AQP7B: variants seen among roughly 807,000 people sequenced by gnomAD.
The protein encoded by AQP7B is putative aquaporin-7B.
At chr2:94,593,873 C>T in the AQP7B span, among the ~76,000 whole-genome samples, 2 of 152,126 alleles carry the variant, frequency 1.3e-5, no homozygotes, top group Non-Finnish European at 2.9e-5. Flanking sequence ...AGATTTGGGC[C>T]CTGTTACTCA....
the AQP7B span, among the ~76,000 whole-genome samples, chr2:94,594,480 A>G: frequency 6.6e-6 from 1 of 152,204 alleles, no homozygotes; most frequent in Non-Finnish European, 1.5e-5. Flanking sequence ...CCCGTCTGCA[A>G]AGTGGCCTCA....
At chr2:94,600,175 T>G in the AQP7B span, among the ~76,000 whole-genome samples, 69 of 152,168 alleles carry the variant, frequency 4.5e-4, no homozygotes, top group South Asian at 2.1e-4. Context: ...CAGCCTGGTC[T>G]GCCTTCTTAC....
chr2:94,604,499 G>A, the AQP7B span: 280 of 1,610,700 alleles, frequency 1.7e-4, no homozygotes, highest in Non-Finnish European at 2.3e-4. Flanking sequence ...CCTCATCTCC[G>A]TGAGCCTTGC....
the AQP7B span, among the ~76,000 whole-genome samples, chr2:94,589,166 TG>T: frequency 4.0e-5 from 6 of 150,486 alleles, no homozygotes; most frequent in East Asian, 1.9e-4. Context: ...AATTAGTTGT[TG>T]TTTTTTTTTT....
At chr2:94,601,588 G>T in the AQP7B span, among the ~76,000 whole-genome samples, 2 of 152,216 alleles carry the variant, frequency 1.3e-5, no homozygotes, top group African/African-American at 4.8e-5. Flanking sequence ...GATTGAGGAG[G>T]GGGTGCGAGG....
At chr2:94,603,339 G>C in the AQP7B span, 4 of 1,565,682 alleles carry the variant, frequency 2.6e-6, no homozygotes, top group Non-Finnish European at 3.5e-6. Context: ...CCCCAGTGGG[G>C]CTTAGTTGGG....
the AQP7B span, among the ~76,000 whole-genome samples, chr2:94,600,035 C>G: frequency 6.6e-5 from 10 of 151,962 alleles, no homozygotes; most frequent in African/African-American, 2.4e-4. Context: ...AGCACCACCA[C>G]GCCTGGCTAA....
At chr2:94,587,995 G>A in the AQP7B span, among the ~76,000 whole-genome samples, 7 of 152,120 alleles carry the variant, frequency 4.6e-5, no homozygotes, top group African/African-American at 4.8e-5. Context: ...GGAGTACAAA[G>A]GGGAATTTTT....
the AQP7B span, chr2:94,604,301 T>G: frequency 6.2e-7 from 1 of 1,605,908 alleles, no homozygotes; most frequent in Non-Finnish European, 8.5e-7. Flanking sequence ...TGGGGAGAAC[T>G]GGTGGTGGGT....
the AQP7B span, among the ~76,000 whole-genome samples, chr2:94,596,501 G>C: frequency 6.6e-6 from 1 of 152,130 alleles, no homozygotes; most frequent in African/African-American, 2.4e-5. Context: ...AGAGGAAATC[G>C]GAACACCAGG....
the AQP7B span, chr2:94,603,170 C>T: frequency 6.6e-7 from 1 of 1,509,476 alleles, no homozygotes; most frequent in Non-Finnish European, 9.1e-7. Flanking sequence ...ACAGTCTCTT[C>T]TACAGCAAGT....
chr2:94,588,224 CA>C, the AQP7B span, among the ~76,000 whole-genome samples: 1 of 151,988 alleles, frequency 6.6e-6, no homozygotes, highest in Non-Finnish European at 1.5e-5. Context: ...CTCCACAGTC[CA>C]AAGCTGGGCT....
chr2:94,595,550 G>A, the AQP7B span, among the ~76,000 whole-genome samples: 1 of 152,278 alleles, frequency 6.6e-6, no homozygotes, highest in Non-Finnish European at 1.5e-5. Flanking sequence ...AAGCAGGGGA[G>A]TGACATGATC....
At chr2:94,602,107 A>G in the AQP7B span, among the ~76,000 whole-genome samples, 1 of 151,400 alleles carries the variant, frequency 6.6e-6, no homozygotes, top group African/African-American at 2.4e-5. Context: ...GGTCCCTTGA[A>G]GAAACTTCCT....
At chr2:94,600,081 G>A in the AQP7B span, among the ~76,000 whole-genome samples, 10 of 151,770 alleles carry the variant, frequency 6.6e-5, no homozygotes, top group African/African-American at 2.4e-4. Context: ...GTTTTGTCAT[G>A]CTGGTCTTGA....
the AQP7B span, chr2:94,604,575 C>A: frequency 6.3e-7 from 1 of 1,579,458 alleles, no homozygotes; most frequent in South Asian, 1.2e-5. Context: ...CACTTCTAAG[C>A]AGAGATTATT....
At chr2:94,597,232 A>C in the AQP7B span, among the ~76,000 whole-genome samples, 2 of 152,254 alleles carry the variant, frequency 1.3e-5, no homozygotes, top group South Asian at 4.1e-4. Context: ...TCCAGGGCAA[A>C]GTAATTCACT....
At chr2:94,597,032 G>T in the AQP7B span, among the ~76,000 whole-genome samples, 53 of 152,242 alleles carry the variant, frequency 3.5e-4, no homozygotes, top group Non-Finnish European at 5.9e-4. Context: ...GTTAACAGGA[G>T]GACTTGTGTG....
the AQP7B span, among the ~76,000 whole-genome samples, chr2:94,596,694 C>T: frequency 6.6e-6 from 1 of 152,116 alleles, no homozygotes; most frequent in Non-Finnish European, 1.5e-5. Flanking sequence ...CTTAACTGTT[C>T]ACAAATTTAG....
Sources: allele counts gnomAD v4.1 joint callset (sites outside exome capture counted in the v4.1 genomes callset), GRCh38; gene constraint gnomAD v4.1.1; transcripts MANE v1.5; gene names NCBI Gene and HGNC (gene_info 2026-07-23, HGNC 2026-07-21).